The following PTPRG variants were observed in gnomAD, a reference collection of about 807,000 sequenced individuals.
The protein encoded by PTPRG is protein tyrosine phosphatase receptor type G.
A neutral mutation model predicts 165.3 loss-of-function variants in PTPRG; 102 were observed. The observed-to-expected ratio is 0.62, with a 90% CI of 0.53 to 0.73. The LOEUF is 0.73. PTPRG is among the 30% of genes least tolerant of loss of function. PTPRG has a pLI of 0.00. For missense variants in PTPRG, 1,866 were observed against 1,861.4 expected (o/e 1.00, Z -0.05); for synonymous variants, 675 against 669.5 (o/e 1.01, Z -0.13).
chr3:61,804,360 G>A (rs1054476807), intron 2 of PTPRG, among the ~76,000 whole-genome samples: 72 of 152,290 alleles, frequency 4.7e-4, no homozygotes, highest in African/African-American at 1.7e-3. Context: ...CCTCCTTACT[G>A]GGATGTGAGC....
At chr3:61,962,154 A>G (rs1401450550) in intron 2 of PTPRG, among the ~76,000 whole-genome samples, 1 of 152,208 alleles carries the variant, frequency 6.6e-6, no homozygotes, top group African/African-American at 2.4e-5. Flanking sequence ...TAAGCCTAAG[A>G]AATACATGGT....
chr3:61,579,124 G>T (rs1700226973), intron 1 of PTPRG, among the ~76,000 whole-genome samples: 1 of 152,180 alleles, frequency 6.6e-6, no homozygotes, highest in Non-Finnish European at 1.5e-5. Flanking sequence ...CCCTCCAGCA[G>T]AGCCAGACTT....
At chr3:61,881,047 C>A (rs2037876072) in intron 2 of PTPRG, among the ~76,000 whole-genome samples, 1 of 151,508 alleles carries the variant, frequency 6.6e-6, no homozygotes, top group South Asian at 2.1e-4. Context: ...CATTTGTGGC[C>A]CTGTCCTTAT....
At position 62,018,189 on chromosome 3, in the gene PTPRG, G is replaced by A. The variant is rs566186160; in HGVS notation, c.519+14692G>A. Among the ~76,000 whole-genome samples, 6 of 152,316 alleles carry A rather than the reference G, an allele frequency of 3.9e-5. No individual in the cohort carries two copies. The South Asian group carries it at 1.0e-3, about 26-fold the overall frequency. On this transcript the variant is annotated intron_variant, in intron 4 of 29. Transcript: ENST00000474889. The stretch of plus-strand genomic sequence containing the variant: ...TCATAGAACCTGAGAGACCAACAGA[G>A]TGAATCTTAACCCAAATGTACATCA...
At chr3:61,906,993 A>G (rs980942626) in intron 2 of PTPRG, among the ~76,000 whole-genome samples, 1 of 152,202 alleles carries the variant, frequency 6.6e-6, no homozygotes, top group African/African-American at 2.4e-5. Context: ...AATTAAACCA[A>G]TAAATGAAGT....
At chr3:61,615,606 T>C (rs975687791) in intron 1 of PTPRG, among the ~76,000 whole-genome samples, 1 of 152,238 alleles carries the variant, frequency 6.6e-6, no homozygotes, top group African/African-American at 2.4e-5. Context: ...GCAGGTACTT[T>C]GAGACTGCTT....
intron 1 of PTPRG, among the ~76,000 whole-genome samples, chr3:61,736,046 T>A (rs1464605158): frequency 1.3e-5 from 2 of 151,928 alleles, no homozygotes; most frequent in Non-Finnish European, 2.9e-5. Context: ...TAGCTGGGAC[T>A]ACAGGCGCAG....
At chr3:62,223,887 G>A (rs1266239592) in intron 13 of PTPRG, among the ~76,000 whole-genome samples, 1 of 152,150 alleles carries the variant, frequency 6.6e-6, no homozygotes, top group East Asian at 1.9e-4. Context: ...CATACAACAT[G>A]CTTGAAAATA....
At chr3:61,855,134 C>T (rs1575725020) in intron 2 of PTPRG, among the ~76,000 whole-genome samples, 1 of 152,148 alleles carries the variant, frequency 6.6e-6, no homozygotes. Flanking sequence ...CAGCCTTGTA[C>T]TTAGGTCCCT....
rs117997547 is a variant in PTPRG at position 61,950,601 on chromosome 3, T to C, written c.191-39024T>C. On this transcript the variant is annotated intron_variant, in intron 2 of 29. Transcript: ENST00000474889. ...TTTTTTTAAAGCATTGGTTATAGGT[T>C]CTTTCTGTACAGTTGTGTTAGAGGC... is the stretch of plus-strand genomic sequence containing the variant. 2.7e-3 allele frequency among the ~76,000 whole-genome samples: 415 copies of C among 152,288 alleles called. 6 individuals carry two copies. Among genetic ancestry groups the C allele is most frequent in the East Asian group, 0.025 (132 of 5,178 alleles).
intron 5 of PTPRG, among the ~76,000 whole-genome samples, chr3:62,126,834 T>G (rs1703309565): frequency 6.6e-6 from 1 of 152,240 alleles, no homozygotes; most frequent in Non-Finnish European, 1.5e-5. Context: ...TCTGTATTCC[T>G]CTCCGACTTA....
rs540046537 is a variant in PTPRG, at chr3:62,125,833, G to T, written c.616-6769G>T. On this transcript the variant is annotated intron_variant, in intron 5 of 29. Transcript: ENST00000474889. ...AGCAGCCTGCACTTTGAGAAGATTG[G>T]CAGGGGTGGGACAGACAGGTTCTGG... Among the ~76,000 whole-genome samples, 4 of 152,210 alleles carry T rather than the reference G, an allele frequency of 2.6e-5. No individual in the cohort carries two copies. The East Asian group carries it at 5.8e-4, about 22-fold the overall frequency.
chr3:61,914,207 G>A (rs975015959), intron 2 of PTPRG, among the ~76,000 whole-genome samples: 2 of 152,144 alleles, frequency 1.3e-5, no homozygotes, highest in East Asian at 1.9e-4. Context: ...TTTGACCTAC[G>A]TTTCCTGTTT....
chr3:61,847,530 T>G (rs1402422762), intron 2 of PTPRG, among the ~76,000 whole-genome samples: 1 of 152,156 alleles, frequency 6.6e-6, no homozygotes, highest in Non-Finnish European at 1.5e-5. Flanking sequence ...CGGCTGTATT[T>G]TGAGGGCTCA....
intron 2 of PTPRG, among the ~76,000 whole-genome samples, chr3:61,887,052 T>G (rs780301532): frequency 6.7e-6 from 1 of 149,262 alleles, no homozygotes; most frequent in Non-Finnish European, 1.5e-5. Context: ...AGGAAACATC[T>G]CTTATTTTCT....
At chr3:61,838,683 A>C (rs531564514) in intron 2 of PTPRG, among the ~76,000 whole-genome samples, 1 of 152,218 alleles carries the variant, frequency 6.6e-6, no homozygotes, top group Non-Finnish European at 1.5e-5. Context: ...GTTTTATTTC[A>C]ATAACACTGT....
intron 1 of PTPRG, among the ~76,000 whole-genome samples, chr3:61,601,708 A>T (rs571459068): frequency 8.0e-4 from 122 of 152,298 alleles, no homozygotes; most frequent in Non-Finnish European, 1.5e-3. Flanking sequence ...ATCAGCCTTT[A>T]TGGAGCTTGT....
At chr3:62,003,565 C>A in intron 4 of PTPRG, 68 bp downstream of exon 4, 1 of 1,572,736 alleles carries the variant, frequency 6.4e-7, no homozygotes, top group South Asian at 1.2e-5. Flanking sequence ...ATGCTGTGCC[C>A]TTACCCTCAG....
At chr3:61,699,026 G>C (rs111992350) in intron 1 of PTPRG, among the ~76,000 whole-genome samples, 45 of 152,056 alleles carry the variant, frequency 3.0e-4, no homozygotes, top group East Asian at 9.7e-4. Context: ...GCTGTGGGGT[G>C]GGGGGAGCGG....
Sources: gnomAD v4.1 joint callset for allele counts (sites outside exome capture counted in the v4.1 genomes callset) on GRCh38, gnomAD v4.1.1 for gene constraint, MANE v1.5 for transcripts, NCBI Gene and HGNC (gene_info 2026-07-23, HGNC 2026-07-21) for gene names.